The following PATE3 variants were observed in gnomAD, a reference collection of about 807,000 sequenced individuals.
PATE3 encodes the protein prostate and testis expressed protein 3.
A neutral mutation model predicts 7.4 loss-of-function variants in PATE3; 7 were observed. That is an observed-to-expected ratio of 0.95 (90% CI 0.54 to 1.78). The LOEUF (loss-of-function observed/expected upper bound fraction) is 1.78. Ranked by LOEUF, PATE3 falls within the 40% of genes most tolerant of loss-of-function variation. The pLI is 0.00. For missense variants in PATE3, 117 were observed against 122.5 expected, an observed-to-expected ratio of 0.96 and a Z score of 0.21; for synonymous variants, 38 against 40.2, an observed-to-expected ratio of 0.94 and a Z score of 0.21.
At chr11:125,788,768 C>T (rs1591467340) in intron 1 of PATE3, among the ~76,000 whole-genome samples, 1 of 151,998 alleles carries the variant, frequency 6.6e-6, no homozygotes, top group East Asian at 1.9e-4. Context: ...AAGGCTTTTG[C>T]GAGGATTAAA....
chr11:125,790,599 C>G lies in PATE3; in HGVS notation c.294C>G (p.Leu98=), dbSNP rs578114944. The G allele has an allele frequency of 2.6e-6, 4 of 1,551,192 alleles. No homozygotes were observed. Among genetic ancestry groups the G allele is most frequent in the Non-Finnish European group, 3.5e-6 (4 of 1,146,710 alleles). ...ACTACAATTACTGTAACTTTAAACT[C>G]TAAGATATTTGCCCTCCTGAGGTCT... ...CCNYNYCNFK[L] Residue 98 remains leucine (L), a synonymous_variant, in exon 3 of 3, where the codon CTC becomes CTG. Transcript: ENST00000445202.
chr11:125,788,371 T>C (rs1247701346), intron 1 of PATE3, among the ~76,000 whole-genome samples, 171 bp downstream of exon 1: 1 of 152,140 alleles, frequency 6.6e-6, no homozygotes, highest in Non-Finnish European at 1.5e-5. Context: ...CTTCCATCCT[T>C]TTCAGCCTCC....
At chr11:125,789,585 A>C in intron 2 of PATE3, 77 bp downstream of exon 2, 186 of 1,467,860 alleles carry the variant, frequency 1.3e-4, no homozygotes, top group Non-Finnish European at 1.5e-4. Context: ...TTCACATCTC[A>C]AGAGAAGAAC....
intron 1 of PATE3, 98 bp downstream of exon 1, chr11:125,788,298 G>A: frequency 1.7e-6 from 2 of 1,184,148 alleles, no homozygotes; most frequent in East Asian, 2.7e-5. Context: ...GCTGAGCTTT[G>A]GCCACTTTTA....
chr11:125,790,590 C>T lies in PATE3; in HGVS notation c.285C>T (p.Asn95=). 1 of 1,551,332 alleles carries T rather than the reference C, an allele frequency of 6.4e-7. No individual in the cohort carries two copies. Among genetic ancestry groups the T allele is most frequent in the South Asian group, 1.2e-5 (1 of 83,998 alleles). Residue 95 remains asparagine, a synonymous_variant, in exon 3 of 3, where the codon AAC becomes AAT. Transcript: ENST00000445202. ...VHTCCNYNYC[N]FKL ...CATGCTGCAACTACAATTACTGTAA[C>T]TTTAAACTCTAAGATATTTGCCCTC...
chr11:125,788,341 C>A, intron 1 of PATE3, 141 bp downstream of exon 1: 1 of 687,362 alleles, frequency 1.5e-6, no homozygotes, highest in Non-Finnish European at 2.4e-6. Flanking sequence ...CAGAATGCTC[C>A]TCTGCCTTCC....
chr11:125,790,444 A>G, intron 2 of PATE3, 34 bp from the exon 3 acceptor site: 3 of 1,538,948 alleles, frequency 1.9e-6, no homozygotes, highest in Non-Finnish European at 2.6e-6. Flanking sequence ...GCTTAAATCA[A>G]ATGCTTATTT....
intron 1 of PATE3, among the ~76,000 whole-genome samples, chr11:125,789,090 C>A (rs1463592643): frequency 1.3e-5 from 2 of 152,132 alleles, no homozygotes; most frequent in Non-Finnish European, 2.9e-5. Flanking sequence ...GCATTCATAG[C>A]ACCATTTTTA....
intron 1 of PATE3, 39 bp downstream of exon 1, chr11:125,788,239 A>T: frequency 6.5e-7 from 1 of 1,527,992 alleles, no homozygotes; most frequent in Non-Finnish European, 8.9e-7. Context: ...GAGAGACAGG[A>T]TCTAGGGAGC....
At position 125,791,364 on chromosome 11, in the gene PATE3, C is replaced by A. The variant is rs191889256; in HGVS notation, c.*762C>A. 1 of 152,298 alleles carries A rather than the reference C, an allele frequency of 6.6e-6. No individual in the cohort carries two copies. The highest frequency in any genetic ancestry group is 6.5e-5 in the Admixed American group (1 of 15,292). 9.4% of individuals were successfully genotyped at this position (152,298 alleles called of 1,614,324 possible). A position where few individuals can be genotyped will look rare whatever the true frequency, so the allele number is the denominator to read the frequency against. On this transcript the variant is annotated 3_prime_UTR_variant, in exon 3 of 3. Coordinates refer to ENST00000445202, the MANE Select transcript of PATE3 (RefSeq NM_001129883.4). ...CCATTATCACCTCCCCATTGCCACA[C>A]AACCTCTCCCTGTAGAGAGGCAGGA...
At chr11:125,790,446 T>C (rs1248680925) in intron 2 of PATE3, 32 bp from the exon 3 acceptor site, 1 of 1,539,822 alleles carries the variant, frequency 6.5e-7, no homozygotes, top group Non-Finnish European at 8.7e-7. Flanking sequence ...TTAAATCAAA[T>C]GCTTATTTTC....
intron 2 of PATE3, 98 bp downstream of exon 2, chr11:125,789,606 T>A (rs1199467643): frequency 1.4e-6 from 2 of 1,388,850 alleles, no homozygotes; most frequent in Non-Finnish European, 1.9e-6. Context: ...CAATGCAGAA[T>A]GCCCCTGAGC....
At position 125,790,739 on chromosome 11, in the gene PATE3, T is replaced by A; in HGVS notation, c.*137T>A. The A allele has an allele frequency of 2.4e-6, 2 of 827,732 alleles. No individual in the cohort carries two copies. Among genetic ancestry groups the A allele is most frequent in the Non-Finnish European group, 3.6e-6 (2 of 548,680 alleles). The allele number at this position is 827,732 out of a possible 1,614,324, so 51.3% of individuals were successfully genotyped here. A position where few individuals can be genotyped will look rare whatever the true frequency, so the allele number is the denominator to read the frequency against. On this transcript the variant is annotated 3_prime_UTR_variant, in exon 3 of 3. Transcript: ENST00000445202. ...TCGCATTAACCTAAGAAGACTAAACTAGTGTGATCCTTTCTGGTGTCTTCA... is the reference window on the plus strand; with the variant it reads ...TCGCATTAACCTAAGAAGACTAAACAAGTGTGATCCTTTCTGGTGTCTTCA...
rs999557686 is a variant in PATE3 at position 125,788,400 on chromosome 11, G to A, written c.49+200G>A. On this transcript the variant is annotated intron_variant, in intron 1 of 2. Coordinates refer to ENST00000445202, the MANE Select transcript of PATE3 (RefSeq NM_001129883.4). ...AGCCTCCTGCCATTCTCCTCCAGAT[G>A]GGCAGGCCTCTGTCCTGCCCTTTTA... 4.6e-5 allele frequency among the ~76,000 whole-genome samples: 7 copies of A among 152,048 alleles called. No homozygotes were observed. In the South Asian group the frequency reaches 1.0e-3, roughly 23 times the overall value.
chr11:125,788,611 T>C (rs1943584547), intron 1 of PATE3, among the ~76,000 whole-genome samples: 1 of 152,210 alleles, frequency 6.6e-6, no homozygotes, highest in Non-Finnish European at 1.5e-5. Context: ...TTTCAGAGAC[T>C]TTATATTACA....
In PATE3 at chr11:125,790,045, C is replaced by A. The variant is rs75304163; in HGVS notation, c.173-433C>A. 9.9e-5 allele frequency among the ~76,000 whole-genome samples: 15 copies of A among 152,144 alleles called. No homozygotes were observed. In the East Asian group the frequency reaches 2.7e-3, roughly 27 times the overall value. On this transcript the variant is annotated intron_variant, in intron 2 of 2. Coordinates refer to ENST00000445202, the MANE Select transcript of PATE3 (RefSeq NM_001129883.4). ...ATGAAATAAGCCAGGCCCAGAAAGA[C>A]AAATATCCCATGTTCTTAATCATGT...
chr11:125,789,776 T>C (rs763437721), intron 2 of PATE3, among the ~76,000 whole-genome samples: 1 of 152,230 alleles, frequency 6.6e-6, no homozygotes, highest in Non-Finnish European at 1.5e-5. Flanking sequence ...TATGAGTATA[T>C]GTGATTTTTC....
At position 125,790,520 on chromosome 11, in the gene PATE3, G is replaced by A. The variant is rs1251909999; in HGVS notation, c.215G>A (p.Cys72Tyr). 6.4e-7 allele frequency: 1 copy of A among 1,550,866 alleles called. No individual in the cohort carries two copies. ...TCATACATGGTGTGTCAGAAATTCT[G>A]CAGAGACATGACATTTGATCTCAGG... is the stretch of plus-strand genomic sequence containing the variant. ...QISYMVCQKFCRDMTFDLRNR... is the reference protein window; with the variant it reads ...QISYMVCQKFYRDMTFDLRNR... The change falls in exon 3 of 3, where the codon TGC becomes TAC. Residue 72 changes from cysteine to tyrosine, a missense_variant. By Grantham distance (194) the Cys-to-Tyr change is radical. Transcript: ENST00000445202.
Position 125,789,376 on chromosome 11 carries a change from C to T in PATE3, c.50-10C>T, listed in dbSNP as rs1380178246. ...TGCCTAGTCTCACACCATCTCTATG[C>T]TCTCTCCAGCAGTGACATCACTTCA... On this transcript the variant is annotated splice_polypyrimidine_tract_variant and intron_variant, in intron 1 of 2. Coordinates refer to ENST00000445202, the MANE Select transcript of PATE3 (RefSeq NM_001129883.4). 3.2e-6 allele frequency: 5 copies of T among 1,549,864 alleles called. No homozygotes were observed. The highest frequency in any genetic ancestry group is 2.4e-5 in the South Asian group (2 of 83,918).
Sources: allele counts gnomAD v4.1 joint callset (sites outside exome capture counted in the v4.1 genomes callset), GRCh38; gene constraint gnomAD v4.1.1; transcripts MANE v1.5; gene names NCBI Gene and HGNC (gene_info 2026-07-23, HGNC 2026-07-21).